KLF12: variants seen among roughly 807,000 people sequenced by gnomAD.
KLF12 encodes the protein Krueppel-like factor 12.
In KLF12, 9 loss-of-function variants were observed where a neutral mutation model predicts 37.8. The observed-to-expected ratio is 0.24, with a 90% CI of 0.14 to 0.42. The LOEUF is 0.42. Among genes scored for constraint, KLF12 ranks in the 10% least tolerant of loss-of-function variants. The pLI is 1.00. For missense variants in KLF12, 411 were observed against 516.0 expected, an observed-to-expected ratio of 0.80 and a Z score of 1.97; for synonymous variants, 208 against 202.1, an observed-to-expected ratio of 1.03 and a Z score of -0.25.
chr13:73,983,549 C>T (rs1236608900), intron 2 of KLF12, among the ~76,000 whole-genome samples: 1 of 152,228 alleles, frequency 6.6e-6, no homozygotes, highest in African/African-American at 2.4e-5. Flanking sequence ...ATTCTGCATA[C>T]AAACTATTGC....
the KLF12 span, among the ~76,000 whole-genome samples, chr13:74,182,492 G>A: frequency 6.6e-6 from 1 of 152,174 alleles, no homozygotes; most frequent in African/African-American, 2.4e-5. Context: ...GTATACTAGG[G>A]GAGGTCCCAG....
rs1878317411 is a variant in KLF12 at position 73,745,730 on chromosome 13, A to G, written c.869+19208T>C. Among the ~76,000 whole-genome samples the G allele has an allele frequency of 2.0e-5, 3 of 152,306 alleles. 1 individual carries two copies. In the South Asian group the frequency reaches 6.2e-4, roughly 32 times the overall value. ...TAATAATCACAAATTTGCAAAAGCT[A>G]TGCATTATTTCAGATAACACCAAGC... On this transcript the variant is annotated intron_variant, in intron 6 of 7. Coordinates refer to ENST00000377669, the MANE Select transcript of KLF12 (RefSeq NM_007249.5).
At chr13:74,226,424 A>G in the KLF12 span, among the ~76,000 whole-genome samples, 2 of 152,156 alleles carry the variant, frequency 1.3e-5, no homozygotes, top group Non-Finnish European at 2.9e-5. Context: ...AGAGAGGGGA[A>G]GATGTGCTTG....
intron 6 of KLF12, among the ~76,000 whole-genome samples, chr13:73,744,384 A>G (rs1287106291): frequency 1.3e-5 from 2 of 152,164 alleles, no homozygotes; most frequent in African/African-American, 4.8e-5. Flanking sequence ...TGAATTTCTC[A>G]TGAGGGCATG....
At chr13:74,221,583 C>T in the KLF12 span, among the ~76,000 whole-genome samples, 4 of 152,056 alleles carry the variant, frequency 2.6e-5, no homozygotes, top group African/African-American at 9.7e-5. Context: ...ACAATTATGC[C>T]TCCTTACATA....
Position 73,795,534 on chromosome 13 carries a change from C to G in KLF12, c.806+17618G>C, listed in dbSNP as rs772841214. Reference sequence around the variant, plus strand: ...TTATAGAACAATGCAAACGCATTCACTGGAAGTTACATGGTAGGAATCTGG... The same window carrying G: ...TTATAGAACAATGCAAACGCATTCAGTGGAAGTTACATGGTAGGAATCTGG... On this transcript the variant is annotated intron_variant, in intron 5 of 7. Coordinates refer to ENST00000377669, the MANE Select transcript of KLF12 (RefSeq NM_007249.5). 5.9e-5 allele frequency among the ~76,000 whole-genome samples: 9 copies of G among 152,176 alleles called. No individual in the cohort carries two copies. The East Asian group carries it at 1.7e-3, about 29-fold the overall frequency.
At chr13:73,798,073 C>A (rs1175307661) in intron 5 of KLF12, among the ~76,000 whole-genome samples, 2 of 152,116 alleles carry the variant, frequency 1.3e-5, no homozygotes, top group African/African-American at 4.8e-5. Flanking sequence ...CAGAAGCCAA[C>A]CAGAAAGCGT....
At chr13:73,981,791 G>A (rs957130828) in intron 2 of KLF12, among the ~76,000 whole-genome samples, 1 of 152,096 alleles carries the variant, frequency 6.6e-6, no homozygotes, top group African/African-American at 2.4e-5. Flanking sequence ...GCAGCTAAGA[G>A]TAACCCCTGG....
the KLF12 span, among the ~76,000 whole-genome samples, chr13:74,207,939 A>T: frequency 6.6e-6 from 1 of 152,224 alleles, no homozygotes; most frequent in African/African-American, 2.4e-5. Context: ...AGTGAATTGT[A>T]AGTATTTTCT....
chr13:74,020,672 C>T (rs1892819432), intron 1 of KLF12, among the ~76,000 whole-genome samples: 1 of 151,936 alleles, frequency 6.6e-6, no homozygotes, highest in Admixed American at 6.6e-5. Flanking sequence ...GGGTGGATCA[C>T]GAGGTCAGGA....
Position 74,043,468 on chromosome 13 carries a change from C to T in KLF12, c.-31-48415G>A, listed in dbSNP as rs117693600. 6.8e-3 allele frequency among the ~76,000 whole-genome samples: 1,036 copies of T among 152,190 alleles called. 6 individuals carry two copies. The highest frequency in any genetic ancestry group is 7.5e-3 in the Non-Finnish European group (513 of 68,000). ...GGGAAAATGGAATTTAACATGTGTG[C>T]GTGCATGTTTCTGTGTGTGTGTGTA... On this transcript the variant is annotated intron_variant, in intron 1 of 7. Coordinates refer to ENST00000377669, the MANE Select transcript of KLF12 (RefSeq NM_007249.5).
chr13:73,857,090 A>G (rs545651611), intron 3 of KLF12, among the ~76,000 whole-genome samples: 5 of 152,344 alleles, frequency 3.3e-5, no homozygotes, highest in African/African-American at 1.2e-4. Context: ...AGATTTAGTC[A>G]TGATTCCCAT....
At chr13:74,226,491 A>G in the KLF12 span, among the ~76,000 whole-genome samples, 1 of 152,172 alleles carries the variant, frequency 6.6e-6, no homozygotes, top group Non-Finnish European at 1.5e-5. Flanking sequence ...CATGCCCATT[A>G]GGCGGTACAA....
chr13:74,016,135 G>A (rs761703591), intron 1 of KLF12, among the ~76,000 whole-genome samples: 1 of 151,914 alleles, frequency 6.6e-6, no homozygotes, highest in Non-Finnish European at 1.5e-5. Flanking sequence ...TGACAGATAA[G>A]CCCATTAAAA....
the KLF12 span, among the ~76,000 whole-genome samples, chr13:74,202,800 C>A: frequency 6.6e-6 from 1 of 152,266 alleles, no homozygotes; most frequent in Non-Finnish European, 1.5e-5. Context: ...AATCACTGGA[C>A]AGACCCTTGG....
intron 4 of KLF12, among the ~76,000 whole-genome samples, chr13:73,824,889 G>A (rs1297861798): frequency 6.6e-6 from 1 of 152,054 alleles, no homozygotes; most frequent in African/African-American, 2.4e-5. Context: ...CCAACATGGT[G>A]AAAACCCATC....
the KLF12 span, among the ~76,000 whole-genome samples, chr13:74,162,208 G>A: frequency 6.6e-6 from 1 of 152,198 alleles, no homozygotes; most frequent in Non-Finnish European, 1.5e-5. Context: ...AGACGTGAAT[G>A]ATGGGTTCAA....
chr13:73,738,316 T>C (rs1015623887), intron 6 of KLF12, among the ~76,000 whole-genome samples: 6 of 150,834 alleles, frequency 4.0e-5, no homozygotes, highest in African/African-American at 1.5e-4. Context: ...GGCTAATTTT[T>C]TTTTTTTTTG....
At chr13:74,021,985 G>A (rs1334980548) in intron 1 of KLF12, among the ~76,000 whole-genome samples, 1 of 152,158 alleles carries the variant, frequency 6.6e-6, no homozygotes, top group Non-Finnish European at 1.5e-5. Context: ...GGGTAGTAAA[G>A]CATGTGGACA....
Sources: gnomAD v4.1 joint callset for allele counts (sites outside exome capture counted in the v4.1 genomes callset) on GRCh38, gnomAD v4.1.1 for gene constraint, MANE v1.5 for transcripts, NCBI Gene and HGNC (gene_info 2026-07-23, HGNC 2026-07-21) for gene names.